The following TMPRSS11E variants were observed in gnomAD, a reference collection of about 807,000 sequenced individuals.
TMPRSS11E encodes transmembrane protease serine 11E.
A neutral mutation model predicts 48.1 loss-of-function variants in TMPRSS11E; 38 were observed. That is an observed-to-expected ratio of 0.79 (90% CI 0.61 to 1.04). TMPRSS11E has a LOEUF of 1.04. Ranked by LOEUF, TMPRSS11E falls within the 50% of genes least tolerant of loss-of-function variation. TMPRSS11E has a pLI of 0.00. For synonymous variants in TMPRSS11E, 158 were observed against 171.9 expected, an observed-to-expected ratio of 0.92 and a Z score of 0.63; for missense variants, 530 against 510.8, an observed-to-expected ratio of 1.04 and a Z score of -0.36.
intron 1 of TMPRSS11E, among the ~76,000 whole-genome samples, chr4:68,453,653 A>T (rs776100785): frequency 1.3e-5 from 2 of 151,982 alleles, no homozygotes; most frequent in African/African-American, 2.4e-5. Context: ...ATTATGTGAA[A>T]GTGGCAATTT....
intron 9 of TMPRSS11E, among the ~76,000 whole-genome samples, chr4:68,492,526 T>C (rs1487092941): frequency 6.6e-6 from 1 of 152,218 alleles, no homozygotes; most frequent in African/African-American, 2.4e-5. Flanking sequence ...AGTCCCCAAC[T>C]GTAGTGCCAA....
intron 4 of TMPRSS11E, among the ~76,000 whole-genome samples, chr4:68,470,614 A>T (rs1219482773): frequency 6.6e-6 from 1 of 151,910 alleles, no homozygotes; most frequent in Non-Finnish European, 1.5e-5. Context: ...AATAGATAAC[A>T]CTGCCATCCA....
intron 9 of TMPRSS11E, among the ~76,000 whole-genome samples, chr4:68,485,830 C>T (rs948732929): frequency 2.6e-5 from 4 of 151,956 alleles, no homozygotes; most frequent in African/African-American, 9.7e-5. Context: ...AATTTTGGAA[C>T]TCATTATTTA....
intron 9 of TMPRSS11E, among the ~76,000 whole-genome samples, chr4:68,486,295 G>T (rs1237353423): frequency 6.6e-6 from 1 of 152,082 alleles, no homozygotes; most frequent in Non-Finnish European, 1.5e-5. Context: ...AAACTTTCCT[G>T]TTAATACTGC....
chr4:68,452,833 T>G (rs1399437426), intron 1 of TMPRSS11E, among the ~76,000 whole-genome samples: 1 of 152,004 alleles, frequency 6.6e-6, no homozygotes, highest in African/African-American at 2.4e-5. Flanking sequence ...CATTATTTGA[T>G]TCAACAATAA....
chr4:68,493,938 G>A (rs970395714), intron 9 of TMPRSS11E, among the ~76,000 whole-genome samples: 10 of 151,864 alleles, frequency 6.6e-5, no homozygotes, highest in Admixed American at 4.6e-4. Context: ...GGTATTTGGC[G>A]ACCTTGCCTT....
chr4:68,454,536 G>A (rs1728577982), intron 1 of TMPRSS11E, among the ~76,000 whole-genome samples: 2 of 151,974 alleles, frequency 1.3e-5, no homozygotes, highest in East Asian at 1.9e-4. Flanking sequence ...ATTTCAGGTC[G>A]ATAACTGGGG....
chr4:68,471,605 C>A lies in TMPRSS11E; in HGVS notation c.472C>A (p.His158Asn). The stretch of plus-strand genomic sequence containing the variant: ...TGTAGGACCCCCTAAAGTAGATCCT[C>A]ACTCAGTTAAAATTAAAAGTAAGTT... The part of the protein sequence containing the change: ...DAVGPPKVDP[H>N]SVKIKKINKT... Residue 158 changes from histidine to asparagine, a missense_variant, in exon 5 of 10, where the codon CAC (histidine) becomes AAC (asparagine). Transcript: ENST00000305363. 6.3e-7 allele frequency: 1 copy of A among 1,590,826 alleles called. No individual in the cohort carries two copies. Among genetic ancestry groups the A allele is most frequent in the East Asian group, 2.3e-5 (1 of 44,290 alleles).
chr4:68,461,722 C>T, intron 1 of TMPRSS11E, 99 bp from the exon 2 acceptor site: 2 of 1,567,198 alleles, frequency 1.3e-6, no homozygotes, highest in African/African-American at 1.3e-5. Context: ...CACGACCCTC[C>T]AACTGAATGT....
At chr4:68,473,938 A>G (rs1729142475) in intron 5 of TMPRSS11E, among the ~76,000 whole-genome samples, 1 of 139,194 alleles carries the variant, frequency 7.2e-6, no homozygotes, top group Non-Finnish European at 1.6e-5. Context: ...CACTTCATTC[A>G]TACTATTAAA....
chr4:68,484,771 GT>G (rs1157594608), intron 9 of TMPRSS11E, among the ~76,000 whole-genome samples: 1 of 152,150 alleles, frequency 6.6e-6, no homozygotes, highest in Non-Finnish European at 1.5e-5. Flanking sequence ...TTGTATAGAA[GT>G]GCTCCTCATT....
intron 9 of TMPRSS11E, among the ~76,000 whole-genome samples, chr4:68,484,341 CTG>C (rs1161676944): frequency 1.3e-5 from 2 of 152,116 alleles, no homozygotes; most frequent in African/African-American, 4.8e-5. Flanking sequence ...AGGTCTTACC[CTG>C]TTGACCAGGC....
At chr4:68,451,110 A>G (rs1304375143) in intron 1 of TMPRSS11E, among the ~76,000 whole-genome samples, 1 of 151,842 alleles carries the variant, frequency 6.6e-6, no homozygotes, top group Non-Finnish European at 1.5e-5. Flanking sequence ...AGTGCTTGTG[A>G]AAGAGGTAGA....
At chr4:68,455,203 G>A (rs527344063) in intron 1 of TMPRSS11E, among the ~76,000 whole-genome samples, 25 of 152,012 alleles carry the variant, frequency 1.6e-4, no homozygotes, top group African/African-American at 5.8e-4. Flanking sequence ...GTAGTCAACA[G>A]AAAAATGAGG....
At chr4:68,483,352 C>T (rs1200823910) in intron 9 of TMPRSS11E, among the ~76,000 whole-genome samples, 1 of 152,168 alleles carries the variant, frequency 6.6e-6, no homozygotes, top group African/African-American at 2.4e-5. Context: ...GTCAGGGATC[C>T]GTTACCCAAA....
chr4:68,458,887 T>G (rs185594098), intron 1 of TMPRSS11E, among the ~76,000 whole-genome samples: 1 of 152,180 alleles, frequency 6.6e-6, no homozygotes. Context: ...ATAATTATCA[T>G]CCTCGTTATT....
chr4:68,485,658 C>T (rs936120747), intron 9 of TMPRSS11E, among the ~76,000 whole-genome samples: 4 of 152,140 alleles, frequency 2.6e-5, no homozygotes, highest in African/African-American at 4.8e-5. Context: ...AAAACACTGC[C>T]TTCATAAAAT....
In TMPRSS11E at chr4:68,463,326, G is replaced by A. The variant is rs1387484501; in HGVS notation, c.136+1381G>A. 3.3e-5 allele frequency among the ~76,000 whole-genome samples: 5 copies of A among 151,800 alleles called. No individual in the cohort carries two copies. In the East Asian group the frequency reaches 5.8e-4, roughly 18 times the overall value. ...ACACTTTTTTTTTGCTTTTTGAGAC[G>A]GAGTCTTGGTCTGTTCCCAGGCTGG... On this transcript the variant is annotated intron_variant, in intron 2 of 9. Coordinates refer to ENST00000305363, the MANE Select transcript of TMPRSS11E (RefSeq NM_014058.4).
chr4:68,477,282 T>A, intron 7 of TMPRSS11E, 87 bp from the exon 8 acceptor site: 1 of 1,308,164 alleles, frequency 7.6e-7, no homozygotes, highest in Non-Finnish European at 1.0e-6. Flanking sequence ...AAAAAAAATC[T>A]ACACCTGTAG....
Sources: allele counts gnomAD v4.1 joint callset (sites outside exome capture counted in the v4.1 genomes callset), GRCh38; gene constraint gnomAD v4.1.1; transcripts MANE v1.5; gene names NCBI Gene and HGNC (gene_info 2026-07-23, HGNC 2026-07-21).